The following SAMMSON variants were observed in gnomAD, a reference collection of about 807,000 sequenced individuals.
SAMMSON encodes the protein survival associated mitochondrial melanoma specific oncogenic non-coding RNA.
At chr3:70,173,283 C>T (rs569760979) in intron 4 of SAMMSON, among the ~76,000 whole-genome samples, 1 of 151,962 alleles carries the variant, frequency 6.6e-6, no homozygotes, top group Admixed American at 6.6e-5. Context: ...AGTCTCTGTT[C>T]TGTTTGTCAC....
intron 9 of SAMMSON, among the ~76,000 whole-genome samples, chr3:70,375,911 T>A (rs1330224494): frequency 1.3e-5 from 2 of 152,190 alleles, no homozygotes; most frequent in Non-Finnish European, 2.9e-5. Context: ...TTCATATACA[T>A]GTCTCTGGGT....
intron 6 of SAMMSON, among the ~76,000 whole-genome samples, chr3:70,262,150 G>A (rs1012833573): frequency 1.3e-5 from 2 of 152,002 alleles, no homozygotes; most frequent in African/African-American, 2.4e-5. Context: ...GCCACTGCTC[G>A]GTAACAATAC....
At chr3:70,047,247 A>G (rs760238558) in intron 3 of SAMMSON, among the ~76,000 whole-genome samples, 21 of 152,136 alleles carry the variant, frequency 1.4e-4, no homozygotes, top group Non-Finnish European at 2.8e-4. Context: ...ATTAAGGATA[A>G]AACTATTGCA....
At chr3:70,431,309 T>G (rs183316239) in intron 2 of SAMMSON, among the ~76,000 whole-genome samples, 1 of 152,164 alleles carries the variant, frequency 6.6e-6, no homozygotes, top group Admixed American at 6.6e-5. Flanking sequence ...GTTCATCAAT[T>G]TCTCTAGTTT....
At chr3:70,313,487 A>C (rs1039621199) in intron 7 of SAMMSON, among the ~76,000 whole-genome samples, 2 of 152,000 alleles carry the variant, frequency 1.3e-5, no homozygotes, top group African/African-American at 4.8e-5. Context: ...GAAAGGAAAA[A>C]AAAAAAAGGA....
At chr3:70,220,893 G>A (rs1289036451) in intron 4 of SAMMSON, among the ~76,000 whole-genome samples, 1 of 152,146 alleles carries the variant, frequency 6.6e-6, no homozygotes, top group Non-Finnish European at 1.5e-5. Flanking sequence ...GGGGAACCAT[G>A]CCTTGGCATT....
intron 4 of SAMMSON, among the ~76,000 whole-genome samples, chr3:70,113,683 A>G (rs1028876353): frequency 6.6e-6 from 1 of 152,090 alleles, no homozygotes; most frequent in African/African-American, 2.4e-5. Flanking sequence ...TATGGGCTGT[A>G]TTTTTATGTC....
At chr3:70,093,910 C>A (rs1188540359) in intron 4 of SAMMSON, among the ~76,000 whole-genome samples, 1 of 152,128 alleles carries the variant, frequency 6.6e-6, no homozygotes, top group Non-Finnish European at 1.5e-5. Flanking sequence ...TCAGTCAAAG[C>A]CCTTAGGTGC....
intron 4 of SAMMSON, chr3:70,125,860 T>G: frequency 1.5e-6 from 1 of 676,388 alleles, no homozygotes; most frequent in East Asian, 2.7e-5. Context: ...TTTCTGTTGG[T>G]CCTCATCATC....
chr3:70,225,982 A>T (rs1471863588), intron 4 of SAMMSON, among the ~76,000 whole-genome samples: 1 of 152,184 alleles, frequency 6.6e-6, no homozygotes, highest in Non-Finnish European at 1.5e-5. Flanking sequence ...ACAGGATGAG[A>T]CATATTGCCT....
At chr3:70,432,409 A>G (rs944594398) in intron 2 of SAMMSON, among the ~76,000 whole-genome samples, 16 of 151,876 alleles carry the variant, frequency 1.1e-4, no homozygotes, top group South Asian at 6.2e-4. Flanking sequence ...ATATATATAT[A>G]TATACTATCA....
intron 9 of SAMMSON, among the ~76,000 whole-genome samples, chr3:70,365,949 ATTGT>A (rs1350409958): frequency 2.2e-5 from 3 of 137,728 alleles, no homozygotes; most frequent in African/African-American, 8.1e-5. Context: ...CAGCTTAAAA[ATTGT>A]TTGTGCTTTA....
intron 4 of SAMMSON, chr3:70,196,897 G>C: frequency 2.5e-6 from 1 of 398,410 alleles, no homozygotes; most frequent in Non-Finnish European, 4.4e-6. Flanking sequence ...TGGCCAAAAG[G>C]ACTGCCGGAA....
At chr3:70,170,255 T>G (rs2089759026) in intron 4 of SAMMSON, among the ~76,000 whole-genome samples, 1 of 150,380 alleles carries the variant, frequency 6.6e-6, no homozygotes, top group Admixed American at 6.7e-5. Flanking sequence ...GTAGGAAAGG[T>G]TTTTTTTTCA....
intron 7 of SAMMSON, among the ~76,000 whole-genome samples, chr3:70,330,791 C>G (rs766262419): frequency 5.9e-5 from 9 of 151,982 alleles, no homozygotes; most frequent in Non-Finnish European, 1.2e-4. Context: ...CTCAGTAAAA[C>G]ATTCAAAATG....
rs2066932306 is a variant in SAMMSON at position 70,007,432 on chromosome 3, T to A, written n.23-4925T>A. On this transcript the variant is annotated intron_variant and non_coding_transcript_variant, in intron 1 of 9. Transcript: ENST00000642114. ...AGCATTTTTTCATGTGTCTGTTGGCTGCATAAATGTCTTCTTTTGAGAAGT... is the reference window on the plus strand; with the variant it reads ...AGCATTTTTTCATGTGTCTGTTGGCAGCATAAATGTCTTCTTTTGAGAAGT... Among the ~76,000 whole-genome samples the A allele has an allele frequency of 2.6e-5, 4 of 152,214 alleles. No individual in the cohort carries two copies. The South Asian group carries it at 8.3e-4, about 31-fold the overall frequency.
At chr3:70,027,013 A>T (rs1438165096) in intron 3 of SAMMSON, among the ~76,000 whole-genome samples, 1 of 152,160 alleles carries the variant, frequency 6.6e-6, no homozygotes, top group African/African-American at 2.4e-5. Context: ...CTCTACTGGG[A>T]GTTTGTAAAA....
At chr3:70,213,707 T>A (rs57064469) in intron 4 of SAMMSON, among the ~76,000 whole-genome samples, 106 of 152,224 alleles carry the variant, frequency 7.0e-4, no homozygotes, top group African/African-American at 2.5e-3. Flanking sequence ...GTGATTTTTG[T>A]TGTTAAAATG....
chr3:70,098,328 C>A (rs936473587), intron 4 of SAMMSON, among the ~76,000 whole-genome samples: 1 of 152,092 alleles, frequency 6.6e-6, no homozygotes, highest in African/African-American at 2.4e-5. Context: ...TATCCTGTTC[C>A]GTTCTCCCTA....
Sources: gnomAD v4.1 joint callset for allele counts (sites outside exome capture counted in the v4.1 genomes callset) on GRCh38, gnomAD v4.1.1 for gene constraint, MANE v1.5 for transcripts, NCBI Gene and HGNC (gene_info 2026-07-23, HGNC 2026-07-21) for gene names.